The following IL1RAPL1 variants were observed in gnomAD, a reference collection of about 807,000 sequenced individuals.
The protein encoded by IL1RAPL1 is interleukin 1 receptor accessory protein like 1, also known as interleukin-1 receptor accessory protein-like 1.
A neutral mutation model predicts 48.4 loss-of-function variants in IL1RAPL1; 3 were observed. The observed-to-expected ratio is 0.06, with a 90% CI of 0.03 to 0.16. The LOEUF (loss-of-function observed/expected upper bound fraction) is 0.16, where lower values mean the gene tolerates loss of function less well. IL1RAPL1 is among the 10% of genes least tolerant of loss of function. The pLI, the probability that IL1RAPL1 is intolerant of heterozygous loss-of-function variation, is 1.00. For missense variants in IL1RAPL1, 349 were observed against 530.6 expected, an observed-to-expected ratio of 0.66 and a Z score of 3.36; for synonymous variants, 185 against 187.7, an observed-to-expected ratio of 0.99 and a Z score of 0.12.
At chrX:28,846,688 G>A (rs1025198434) in intron 2 of IL1RAPL1, among the ~76,000 whole-genome samples, 1 of 111,947 alleles carries the variant, frequency 8.9e-6, no homozygotes. Flanking sequence ...ATATAGCATT[G>A]GAAGGAATGT....
At chrX:28,596,072 T>C (rs1933951505) in intron 1 of IL1RAPL1, among the ~76,000 whole-genome samples, 1 of 111,388 alleles carries the variant, frequency 9.0e-6, no homozygotes, top group Admixed American at 9.6e-5. Context: ...CTGCTGGTCT[T>C]GTATTTCCAG....
intron 5 of IL1RAPL1, among the ~76,000 whole-genome samples, chrX:29,667,527 G>A (rs767745819): frequency 8.9e-5 from 10 of 111,979 alleles, no homozygotes; most frequent in South Asian, 3.7e-4. Context: ...TAGAAATTTC[G>A]GTGACAGGTT....
At chrX:28,623,066 T>C (rs753627557) in intron 1 of IL1RAPL1, among the ~76,000 whole-genome samples, 8 of 111,536 alleles carry the variant, frequency 7.2e-5, no homozygotes, top group Non-Finnish European at 1.5e-4. Context: ...AACACATCTC[T>C]AACTTCAAGT....
intron 5 of IL1RAPL1, among the ~76,000 whole-genome samples, chrX:29,484,854 AAG>A (rs1475847238): frequency 8.9e-6 from 1 of 111,829 alleles, no homozygotes; most frequent in African/African-American, 3.2e-5. Flanking sequence ...GGAATAAAAG[AAG>A]AGAGAGTAAA....
At chrX:29,398,184 C>T (rs1424104905) in intron 4 of IL1RAPL1, among the ~76,000 whole-genome samples, 3 of 111,822 alleles carry the variant, frequency 2.7e-5, no homozygotes, top group African/African-American at 9.7e-5. Flanking sequence ...AAAATTTATG[C>T]AATTACCACA....
At chrX:29,636,774 C>T (rs1180484934) in intron 5 of IL1RAPL1, among the ~76,000 whole-genome samples, 4 of 111,831 alleles carry the variant, frequency 3.6e-5, no homozygotes, top group African/African-American at 1.3e-4. Flanking sequence ...CACTGTGGCT[C>T]ACGCCTGTAA....
chrX:29,467,589 C>T (rs1333618753), intron 5 of IL1RAPL1, among the ~76,000 whole-genome samples: 2 of 112,208 alleles, frequency 1.8e-5, no homozygotes, highest in Non-Finnish European at 3.8e-5. Context: ...GAACCTTGTA[C>T]TGGCCTGTGG....
At chrX:28,890,839 C>T (rs763712579) in intron 2 of IL1RAPL1, among the ~76,000 whole-genome samples, 3 of 112,122 alleles carry the variant, frequency 2.7e-5, no homozygotes, top group Admixed American at 9.5e-5. Context: ...ACTGGTAGCT[C>T]TTTCATGAAT....
intron 3 of IL1RAPL1, among the ~76,000 whole-genome samples, chrX:29,357,225 G>T (rs867614972): frequency 2.7e-5 from 3 of 111,873 alleles, no homozygotes; most frequent in Admixed American, 9.5e-5. Flanking sequence ...CATGATCAAA[G>T]AATATTTTCT....
intron 5 of IL1RAPL1, among the ~76,000 whole-genome samples, chrX:29,666,955 C>G (rs1926018789): frequency 9.0e-6 from 1 of 110,966 alleles, no homozygotes; most frequent in African/African-American, 3.3e-5. Context: ...ACTATTTTGC[C>G]AATATTTAGT....
chrX:29,402,079 A>G (rs1003916754), intron 5 of IL1RAPL1, among the ~76,000 whole-genome samples: 6 of 110,834 alleles, frequency 5.4e-5, no homozygotes, highest in African/African-American at 2.0e-4. Context: ...TTTTTAGTAG[A>G]GACCGGGTTT....
intron 3 of IL1RAPL1, among the ~76,000 whole-genome samples, chrX:29,335,267 CG>C (rs1212021927): frequency 3.7e-4 from 8 of 21,837 alleles, no homozygotes; most frequent in Admixed American, 1.0e-3. Flanking sequence ...GAGACGGAGA[CG>C]GAGACGGAGA....
At chrX:29,653,532 T>A (rs1234610207) in intron 5 of IL1RAPL1, among the ~76,000 whole-genome samples, 2 of 111,818 alleles carry the variant, frequency 1.8e-5, no homozygotes, top group African/African-American at 6.5e-5. Context: ...TAGTTAAATT[T>A]GGATAGCAAG....
intron 2 of IL1RAPL1, among the ~76,000 whole-genome samples, chrX:28,829,557 A>G (rs1045015363): frequency 2.6e-5 from 2 of 76,051 alleles, no homozygotes; most frequent in Non-Finnish European, 4.5e-5. Flanking sequence ...AGGGTGCTGG[A>G]ATTTTTTTTT....
chrX:29,462,295 T>A (rs1934812220), intron 5 of IL1RAPL1, among the ~76,000 whole-genome samples: 1 of 111,374 alleles, frequency 9.0e-6, no homozygotes, highest in Admixed American at 9.5e-5. Flanking sequence ...GGGGAGTTCT[T>A]TCATACCGCT....
At chrX:28,804,937 G>A (rs1936713526) in intron 2 of IL1RAPL1, among the ~76,000 whole-genome samples, 1 of 111,230 alleles carries the variant, frequency 9.0e-6, no homozygotes, top group Non-Finnish European at 1.9e-5. Flanking sequence ...ATGAGGGAGT[G>A]TCAGGAGAAA....
intron 5 of IL1RAPL1, among the ~76,000 whole-genome samples, chrX:29,469,173 C>T (rs913947548): frequency 8.9e-5 from 10 of 112,165 alleles, no homozygotes; most frequent in African/African-American, 3.2e-4. Flanking sequence ...TAGGTGGATC[C>T]TGGTGTATTA....
Position 28,587,857 on chromosome X carries a change from T to C in IL1RAPL1, c.-215T>C, listed in dbSNP as rs1933860238. ...GACAGTCTTGTAGGGAAGATCTGTA[T>C]GGAATTATCTGCTTTTATGGTGAAC... On this transcript the variant is annotated 5_prime_UTR_variant, in exon 1 of 11. It removes an upstream start codon present in the reference 5' UTR. Transcript: ENST00000378993. 1 of 110,500 alleles carries C rather than the reference T, an allele frequency of 9.0e-6. No individual in the cohort carries two copies. The highest frequency in any genetic ancestry group is 3.9e-4 in the South Asian group (1 of 2,559). The allele number at this position is 110,500 out of a possible 1,213,427, so 9.1% of individuals were successfully genotyped here.
intron 1 of IL1RAPL1, among the ~76,000 whole-genome samples, chrX:28,782,532 T>C (rs531478401): frequency 1.3e-3 from 141 of 111,902 alleles, no homozygotes; most frequent in Admixed American, 0.012. Context: ...TAAATGAAAA[T>C]AGTAACATTA....
Sources: gnomAD v4.1 joint callset for allele counts (sites outside exome capture counted in the v4.1 genomes callset) on GRCh38, gnomAD v4.1.1 for gene constraint, MANE v1.5 for transcripts, NCBI Gene and HGNC (gene_info 2026-07-23, HGNC 2026-07-21) for gene names.